BCKDK: variants seen among roughly 807,000 people sequenced by gnomAD.
BCKDK encodes branched chain keto acid dehydrogenase kinase.
In BCKDK, 28 loss-of-function variants were observed where a neutral mutation model predicts 43.9. The observed-to-expected ratio is 0.64, with a 90% CI of 0.47 to 0.87. The LOEUF (loss-of-function observed/expected upper bound fraction) is 0.87. Ranked by LOEUF, BCKDK falls within the 40% of genes least tolerant of loss-of-function variation. The pLI is 0.00. For synonymous variants in BCKDK, 257 were observed against 234.3 expected (o/e 1.10, Z -0.88); for missense variants, 483 against 581.4 (o/e 0.83, Z 1.74).
At position 31,111,292 on chromosome 16, in the gene BCKDK, C is replaced by G; in HGVS notation, c.846-8C>G. The G allele has an allele frequency of 1.2e-6, 2 of 1,614,174 alleles. No individual in the cohort carries two copies. Among genetic ancestry groups the G allele is most frequent in the Non-Finnish European group, 1.7e-6 (2 of 1,180,028 alleles). On this transcript the variant is annotated splice_region_variant and splice_polypyrimidine_tract_variant and intron_variant, in intron 9 of 11. Transcript: ENST00000219794. ...GCTTGTACCTACTGGTCTTTCCCCT[C>G]TGCATAGAGCCACAATGGAGAGTCA...
intron 10 of BCKDK, 26 bp from the exon 11 acceptor site, chr16:31,111,843 G>A (rs1295937024): frequency 1.2e-6 from 2 of 1,613,334 alleles, no homozygotes; most frequent in East Asian, 4.5e-5. Context: ...GCTGAGCCAA[G>A]CCCATTGTTG....
In BCKDK at chr16:31,109,395, G is replaced by A. The variant is rs2057390809; in HGVS notation, c.172G>A (p.Ala58Thr). 1.9e-6 allele frequency: 3 copies of A among 1,607,906 alleles called. No individual in the cohort carries two copies. The highest frequency in any genetic ancestry group is 1.1e-5 in the South Asian group (1 of 90,756). Residue 58 changes from alanine to threonine, a missense_variant, in exon 2 of 12, where the codon GCC (alanine) becomes ACC (threonine). Coordinates refer to ENST00000219794, the MANE Select transcript of BCKDK (RefSeq NM_005881.4). This position sits in a 1 kb window ranked among gnomAD's most constrained non-coding sequence, Gnocchi z 5.3. ...CGTCACCTCCTTTTACAACCAGTCG[G>A]CCATCGACGCGGCAGCGGAGAAGGT... ...KTVTSFYNQS[A>T]IDAAAEKPSV...
At chr16:31,111,538 C>A in intron 10 of BCKDK, 149 bp downstream of exon 10, 1 of 934,106 alleles carries the variant, frequency 1.1e-6, no homozygotes, top group Non-Finnish European at 1.6e-6. Context: ...CCTGAGATGG[C>A]CATGAGCTGC....
chr16:31,109,362 TC>T lies in BCKDK; in HGVS notation c.141del (p.Lys48ArgfsTer23). 1 of 1,608,140 alleles carries T rather than the reference TC, an allele frequency of 6.2e-7. No individual in the cohort carries two copies. Among genetic ancestry groups the T allele is most frequent in the Non-Finnish European group, 8.5e-7 (1 of 1,176,946 alleles). ...CCACGTGGAGATGGCTCGGGAGCGC[TC>T]CAAGACCGTCACCTCCTTTTACAAC... ...THHVEMARERSKTVTSFYNQS... is the reference protein window; with the variant it reads ...THHVEMARERXKTVTSFYNQS... On this transcript the variant is annotated frameshift_variant, in exon 2 of 12. Coordinates refer to ENST00000219794, the MANE Select transcript of BCKDK (RefSeq NM_005881.4). LOFTEE classifies it high-confidence loss of function. This position sits in a 1 kb window ranked among gnomAD's most constrained non-coding sequence, Gnocchi z 5.3.
At position 31,109,885 on chromosome 16, in the gene BCKDK, A is replaced by G. The variant is rs1596808910; in HGVS notation, c.375+102A>G. The G allele has an allele frequency of 3.2e-5, 44 of 1,394,190 alleles. 1 individual carries two copies. The East Asian group carries it at 3.3e-4, about 10-fold the overall frequency. 86.4% of individuals were successfully genotyped at this position (1,394,190 alleles called of 1,614,324 possible). ...AGACGATTGCTTGCCTAAAGGTGTC[A>G]GGGCCACACAGGATTCAACCCCAGG... On this transcript the variant is annotated intron_variant, in intron 4 of 11. Transcript: ENST00000219794. The surrounding 1 kb of genome is among the most constrained non-coding windows in gnomAD (Gnocchi z 5.3).
chr16:31,111,833 G>A, intron 10 of BCKDK, 36 bp from the exon 11 acceptor site: 1 of 1,611,996 alleles, frequency 6.2e-7, no homozygotes, highest in Non-Finnish European at 8.5e-7. Context: ...CCCCATCAAA[G>A]CTGAGCCAAG....
chr16:31,110,370 G>GC lies in BCKDK; in HGVS notation c.544-30dup, dbSNP rs1555502656. On this transcript the variant is annotated intron_variant, in intron 6 of 11. Coordinates refer to ENST00000219794, the MANE Select transcript of BCKDK (RefSeq NM_005881.4). The surrounding 1 kb of genome is among the most constrained non-coding windows in gnomAD (Gnocchi z 5.4). ...GCCGGGCCTGCTGGGGGTGGGAAGG[G>GC]CACGGGATTCTGAGACCTCACTCTT... The GC allele has an allele frequency of 5.6e-6, 9 of 1,613,960 alleles. No individual in the cohort carries two copies. The highest frequency in any genetic ancestry group is 3.3e-5 in the Admixed American group (2 of 60,000).
In BCKDK at chr16:31,111,299, GA is replaced by G; in HGVS notation, c.846del (p.Ala283ProfsTer7). On this transcript the variant is annotated frameshift_variant and splice_region_variant, in exon 10 of 12. Coordinates refer to ENST00000219794, the MANE Select transcript of BCKDK (RefSeq NM_005881.4). LOFTEE classifies it high-confidence loss of function. ...ILPELLKNAMRATMESHLDTP... is the reference protein window; with the variant it reads ...ILPELLKNAMXATMESHLDTP... ...CCTACTGGTCTTTCCCCTCTGCATA[GA>G]GCCACAATGGAGAGTCACCTAGACA... The G allele has an allele frequency of 6.2e-7, 1 of 1,614,126 alleles. No homozygotes were observed. Among genetic ancestry groups the G allele is most frequent in the Non-Finnish European group, 8.5e-7 (1 of 1,180,020 alleles).
rs1596807448 is a variant in BCKDK, at chr16:31,108,957, C to T, written c.-177-90C>T. The T allele has an allele frequency of 4.2e-5, 14 of 332,912 alleles. No individual in the cohort carries two copies. In the East Asian group the frequency reaches 5.3e-4, roughly 13 times the overall value. 20.6% of individuals were successfully genotyped at this position (332,912 alleles called of 1,614,324 possible). A position where few individuals can be genotyped will look rare whatever the true frequency, so the allele number is the denominator to read the frequency against. On this transcript the variant is annotated intron_variant, in intron 1 of 11. Coordinates refer to ENST00000219794, the MANE Select transcript of BCKDK (RefSeq NM_005881.4). The surrounding 1 kb of genome is among the most constrained non-coding windows in gnomAD (Gnocchi z 6.2). ...GTGGGAGTGGTGGGGAGAGGTCGCCCGGGTCTGGGGAGACCGATGCACAGG... is the reference window on the plus strand; with the variant it reads ...GTGGGAGTGGTGGGGAGAGGTCGCCTGGGTCTGGGGAGACCGATGCACAGG...
rs749860122 is a variant in BCKDK at position 31,109,496 on chromosome 16, TC to T, written c.196-14del. ...TGTTGGGGGTTCTCTGCTCAAGGCC[TC>T]TCTCCCTCTCTAGCCCTCAGTCCGC... On this transcript the variant is annotated splice_polypyrimidine_tract_variant and intron_variant, in intron 2 of 11. Coordinates refer to ENST00000219794, the MANE Select transcript of BCKDK (RefSeq NM_005881.4). This position sits in a 1 kb window ranked among gnomAD's most constrained non-coding sequence, Gnocchi z 5.3. 16 of 1,613,828 alleles carry T rather than the reference TC, an allele frequency of 9.9e-6. No homozygotes were observed. Among genetic ancestry groups the T allele is most frequent in the Admixed American group, 3.3e-5 (2 of 59,986 alleles).
chr16:31,110,584 G>A lies in BCKDK; in HGVS notation c.642+85G>A. 6.3e-7 allele frequency: 1 copy of A among 1,591,294 alleles called. No homozygotes were observed. The highest frequency in any genetic ancestry group is 8.6e-7 in the Non-Finnish European group (1 of 1,159,902). On this transcript the variant is annotated intron_variant, in intron 7 of 11. Transcript: ENST00000219794. This position sits in a 1 kb window ranked among gnomAD's most constrained non-coding sequence, Gnocchi z 5.4. Reference sequence around the variant, plus strand: ...CTGGGGATCCGGGTCAAGGGCCTGGGGGCTGAGGCTGTGGGGCTGGTGCTT... The same window carrying A: ...CTGGGGATCCGGGTCAAGGGCCTGGAGGCTGAGGCTGTGGGGCTGGTGCTT...
Position 31,110,830 on chromosome 16 carries a change from C to T in BCKDK, c.716+69C>T. On this transcript the variant is annotated intron_variant, in intron 8 of 11. Transcript: ENST00000219794. This position sits in a 1 kb window ranked among gnomAD's most constrained non-coding sequence, Gnocchi z 5.4. ...GGGAAGGCTTGGGTCTGAGCCCTTG[C>T]CCGGGGCATGATCTGCGGGGAGCAG... The T allele has an allele frequency of 6.5e-7, 1 of 1,541,782 alleles. No individual in the cohort carries two copies. The highest frequency in any genetic ancestry group is 9.0e-7 in the Non-Finnish European group (1 of 1,115,468).
In BCKDK at chr16:31,109,340, C is replaced by T. The variant is rs896857362; in HGVS notation, c.117C>T (p.His39=). The T allele has an allele frequency of 5.6e-6, 9 of 1,610,198 alleles. No individual in the cohort carries two copies. The highest frequency in any genetic ancestry group is 6.8e-6 in the Non-Finnish European group (8 of 1,178,184). ...ARSTSATDTH[H]VEMARERSKT... ...CGACGTCGGCCACCGACACACACCA[C>T]GTGGAGATGGCTCGGGAGCGCTCCA... The change falls in exon 2 of 12, where the codon CAC becomes CAT. Residue 39 remains histidine, a synonymous_variant. Coordinates refer to ENST00000219794, the MANE Select transcript of BCKDK (RefSeq NM_005881.4). The surrounding 1 kb of genome is among the most constrained non-coding windows in gnomAD (Gnocchi z 5.3).
rs2057387102 is a variant in BCKDK, at chr16:31,109,125, A to ACCCACCCACAC, written c.-95_-85dup. 2.8e-6 allele frequency: 3 copies of ACCCACCCACAC among 1,073,174 alleles called. No homozygotes were observed. Among genetic ancestry groups the ACCCACCCACAC allele is most frequent in the African/African-American group, 1.6e-5 (1 of 61,866 alleles). 66.5% of individuals were successfully genotyped at this position (1,073,174 alleles called of 1,614,324 possible). ...TCCCTGAAGTCGGAGAAGAGCCCCT[A>ACCCACCCACAC]CCCACCCACACCCCCTTGCCCCATT... is the stretch of plus-strand genomic sequence containing the variant. On this transcript the variant is annotated 5_prime_UTR_variant, in exon 2 of 12. Transcript: ENST00000219794. The surrounding 1 kb of genome is among the most constrained non-coding windows in gnomAD (Gnocchi z 5.3).
Position 31,110,003 on chromosome 16 carries a change from TG to T in BCKDK, c.376-71del. The T allele has an allele frequency of 6.3e-7, 1 of 1,587,392 alleles. No homozygotes were observed. Among genetic ancestry groups the T allele is most frequent in the Non-Finnish European group, 8.6e-7 (1 of 1,156,188 alleles). ...TCGACCAGCTGGGTGGTGATCCCCATGGGTAGGTGGGGGTGGCTGTTCTCTG... is the reference window on the plus strand; with the variant it reads ...TCGACCAGCTGGGTGGTGATCCCCATGGTAGGTGGGGGTGGCTGTTCTCTG... On this transcript the variant is annotated intron_variant, in intron 4 of 11. Coordinates refer to ENST00000219794, the MANE Select transcript of BCKDK (RefSeq NM_005881.4). This position sits in a 1 kb window ranked among gnomAD's most constrained non-coding sequence, Gnocchi z 5.4.
In BCKDK at chr16:31,111,366, C is replaced by T. The variant is rs758133599; in HGVS notation, c.912C>T (p.Asn304=). 2 of 1,614,166 alleles carry T rather than the reference C, an allele frequency of 1.2e-6. No homozygotes were observed. Among genetic ancestry groups the T allele is most frequent in the South Asian group, 2.2e-5 (2 of 91,080 alleles). ...NVPDVVITIA[N]NDVDLIIRIS... Reference sequence around the variant, plus strand: ...CAGATGTGGTCATCACCATCGCCAACAATGATGTCGATCTGATCATCAGGT... The same window carrying T: ...CAGATGTGGTCATCACCATCGCCAATAATGATGTCGATCTGATCATCAGGT... The change falls in exon 10 of 12, where the codon AAC becomes AAT. Residue 304 remains asparagine (N), a synonymous_variant. Transcript: ENST00000219794.
At position 31,111,971 on chromosome 16, in the gene BCKDK, C is replaced by A. The variant is rs776835457; in HGVS notation, c.1038C>A (p.Ser346Arg). The A allele has an allele frequency of 1.2e-6, 2 of 1,614,030 alleles. No homozygotes were observed. The highest frequency in any genetic ancestry group is 2.7e-5 in the African/African-American group (2 of 74,918). The change falls in exon 11 of 12, where the codon AGC becomes AGA. Residue 346 changes from serine to arginine, a missense_variant. Coordinates refer to ENST00000219794, the MANE Select transcript of BCKDK (RefSeq NM_005881.4). ...AEASTQDPRI[S>R]PLFGHLDMHS... ...CCAGCACACAGGACCCCCGGATCAG[C>A]CCCCTCTTTGGCCATCTGGACATGC...
At chr16:31,116,426 T>C (rs1159242487), downstream of BCKDK, among the ~76,000 whole-genome samples, 1 of 150,954 alleles carries the variant, frequency 6.6e-6, no homozygotes, top group African/African-American at 2.4e-5. Context: ...TTAGCCAGGA[T>C]GGTCTCGATC....
In BCKDK at chr16:31,112,226, C is replaced by T; in HGVS notation, c.1200C>T (p.Leu400=). Residue 400 remains leucine (L), a synonymous_variant, in exon 12 of 12, where the codon CTC becomes CTT. Coordinates refer to ENST00000219794, the MANE Select transcript of BCKDK (RefSeq NM_005881.4). The surrounding 1 kb of genome is among the most constrained non-coding windows in gnomAD (Gnocchi z 5.0). ...QGIGTDVYLR[L]RHIDGREESF... ...TTGGCACGGACGTCTACCTGCGGCT[C>T]CGCCACATCGATGGCCGGGAGGAAA... The T allele has an allele frequency of 6.2e-7, 1 of 1,611,522 alleles. No homozygotes were observed. Among genetic ancestry groups the T allele is most frequent in the Middle Eastern group, 1.7e-4 (1 of 6,060 alleles).
Sources: gnomAD v4.1 joint callset for allele counts (sites outside exome capture counted in the v4.1 genomes callset) on GRCh38, gnomAD v4.1.1 for gene constraint, Gnocchi (gnomAD v3.1) non-coding constraint, MANE v1.5 for transcripts, NCBI Gene and HGNC (gene_info 2026-07-23, HGNC 2026-07-21) for gene names.